The following RCAN1 variants were observed in gnomAD, a reference collection of about 807,000 sequenced individuals.
RCAN1 encodes the protein calcipressin-1.
RCAN1 carries 11 observed loss-of-function variants against 22.9 expected under a neutral mutation model. That is an observed-to-expected ratio of 0.48 (90% CI 0.30 to 0.79). The LOEUF (loss-of-function observed/expected upper bound fraction) is 0.79, where lower values mean the gene tolerates loss of function less well. Among genes scored for constraint, RCAN1 ranks in the 30% least tolerant of loss-of-function variants. The pLI is 0.06. For missense variants in RCAN1, 291 were observed against 337.8 expected, an observed-to-expected ratio of 0.86 and a Z score of 1.09; for synonymous variants, 136 against 142.3, an observed-to-expected ratio of 0.96 and a Z score of 0.32.
At chr21:34,563,770 A>T (rs13052420) in intron 1 of RCAN1, among the ~76,000 whole-genome samples, 13,205 of 63,824 alleles carry the variant, frequency 0.21, 1,287 homozygotes, top group Non-Finnish European at 0.23. Context: ...AAAAAAAAAA[A>T]ATATATATAT....
At chr21:34,541,763 T>C (rs1481639816) in intron 1 of RCAN1, among the ~76,000 whole-genome samples, 1 of 152,084 alleles carries the variant, frequency 6.6e-6, no homozygotes, top group East Asian at 1.9e-4. Context: ...TGAAACACTG[T>C]CTCTACTAAA....
chr21:34,521,192 C>T (rs1175902155), intron 3 of RCAN1: 3 of 1,370,568 alleles, frequency 2.2e-6, no homozygotes, highest in African/African-American at 2.9e-5. Flanking sequence ...GGGGCCGGGG[C>T]TCAGGCCTCC....
intron 1 of RCAN1, among the ~76,000 whole-genome samples, chr21:34,611,276 T>C (rs1332269560): frequency 6.6e-6 from 1 of 152,202 alleles, no homozygotes; most frequent in Non-Finnish European, 1.5e-5. Context: ...TAATGGAATA[T>C]GTTCATCAAA....
chr21:34,613,012 C>T (rs1489948607), intron 1 of RCAN1, among the ~76,000 whole-genome samples: 1 of 152,228 alleles, frequency 6.6e-6, no homozygotes, highest in Admixed American at 6.5e-5. Flanking sequence ...ATCTCCCCCT[C>T]AACCACTGGA....
At chr21:34,604,505 A>G (rs774340206) in intron 1 of RCAN1, among the ~76,000 whole-genome samples, 21 of 152,330 alleles carry the variant, frequency 1.4e-4, no homozygotes, top group Middle Eastern at 6.8e-3. Flanking sequence ...TCCAAGACCA[A>G]TTAAAGACAC....
intron 1 of RCAN1, among the ~76,000 whole-genome samples, chr21:34,578,608 C>T (rs1987493963): frequency 6.6e-6 from 1 of 152,194 alleles, no homozygotes; most frequent in South Asian, 2.1e-4. Flanking sequence ...TGGCCCCACT[C>T]TGGGCCCTGG....
In RCAN1 at chr21:34,574,265, T is replaced by C. The variant is rs931333611; in HGVS notation, c.252+40495A>G. Among the ~76,000 whole-genome samples, 6 of 152,364 alleles carry C rather than the reference T, an allele frequency of 3.9e-5. No homozygotes were observed. In the East Asian group the frequency reaches 1.2e-3, roughly 29 times the overall value. On this transcript the variant is annotated intron_variant, in intron 1 of 3. Transcript: ENST00000313806. The stretch of plus-strand genomic sequence containing the variant: ...GACACTATAAGCCAATGAGCTTTCC[T>C]AGAAGTTCTGAGAAACAATGTCCAC...
At chr21:34,525,428 A>G in intron 1 of RCAN1, 2 of 1,405,790 alleles carry the variant, frequency 1.4e-6, no homozygotes, top group South Asian at 3.3e-5. Flanking sequence ...GCCGCCTCTC[A>G]CTCTTTTTCC....
rs578201629 is a variant in RCAN1 at position 34,585,412 on chromosome 21, C to T, written c.252+29348G>A. 3.3e-5 allele frequency among the ~76,000 whole-genome samples: 5 copies of T among 152,134 alleles called. No homozygotes were observed. The South Asian group carries it at 6.2e-4, about 19-fold the overall frequency. ...TAAAAGAACAGTAATGTCTAACAGG[C>T]AAGTTAGTAGAGGGGGAAAATGAAA... is the stretch of plus-strand genomic sequence containing the variant. On this transcript the variant is annotated intron_variant, in intron 1 of 3. Transcript: ENST00000313806.
intron 3 of RCAN1, among the ~76,000 whole-genome samples, chr21:34,519,695 C>G (rs1984352803): frequency 6.6e-6 from 1 of 152,032 alleles, no homozygotes; most frequent in African/African-American, 2.4e-5. Flanking sequence ...CCGCGCCCGG[C>G]CTGTGCTTGG....
rs544345422 is a variant in RCAN1 at position 34,570,409 on chromosome 21, G to A, written c.252+44351C>T. On this transcript the variant is annotated intron_variant, in intron 1 of 3. Transcript: ENST00000313806. The stretch of plus-strand genomic sequence containing the variant: ...TACTTACCAGTGGTGTAAGAGGTCT[G>A]GTAAATATGGAAAAAACATCCTAAG... 3.8e-3 allele frequency among the ~76,000 whole-genome samples: 572 copies of A among 152,294 alleles called. 1 individual carries two copies. The highest frequency in any genetic ancestry group is 0.013 in the African/African-American group (546 of 41,568).
intron 1 of RCAN1, among the ~76,000 whole-genome samples, chr21:34,567,517 T>C (rs1987069347): frequency 7.0e-6 from 1 of 143,858 alleles, no homozygotes; most frequent in African/African-American, 2.6e-5. Context: ...ATCAAGCCAC[T>C]GCACCCCAGC....
intron 1 of RCAN1, among the ~76,000 whole-genome samples, chr21:34,574,238 T>A (rs776604847): frequency 6.6e-6 from 1 of 152,230 alleles, no homozygotes. Flanking sequence ...TCAGCTAAAT[T>A]GGACACTATA....
At chr21:34,555,811 C>T (rs887263574) in intron 1 of RCAN1, among the ~76,000 whole-genome samples, 15 of 151,048 alleles carry the variant, frequency 9.9e-5, no homozygotes, top group African/African-American at 3.2e-4. Flanking sequence ...ACCTGTAATC[C>T]CAGCACTTTG....
intron 1 of RCAN1, among the ~76,000 whole-genome samples, chr21:34,613,566 AAGAC>A (rs1299196124): frequency 6.6e-5 from 10 of 152,230 alleles, no homozygotes; most frequent in Middle Eastern, 3.2e-3. Context: ...TTCTAGCAGA[AAGAC>A]AGCCTAGAAC....
At chr21:34,586,743 A>G (rs563192902) in intron 1 of RCAN1, among the ~76,000 whole-genome samples, 1 of 152,364 alleles carries the variant, frequency 6.6e-6, no homozygotes, top group East Asian at 1.9e-4. Flanking sequence ...ACTTAAGATC[A>G]GGAGTTCATG....
At chr21:34,558,093 G>T (rs1034190468) in intron 1 of RCAN1, among the ~76,000 whole-genome samples, 4 of 152,208 alleles carry the variant, frequency 2.6e-5, no homozygotes, top group Admixed American at 6.5e-5. Flanking sequence ...TGTTGAGGAG[G>T]TGCTTGTGCG....
chr21:34,614,762 G>T lies in RCAN1; in HGVS notation c.250C>A (p.Arg84=). Residue 84 remains arginine (R), a splice_region_variant and synonymous_variant, in exon 1 of 4, where the codon CGG becomes AGG. Coordinates refer to ENST00000313806, the MANE Select transcript of RCAN1 (RefSeq NM_004414.7). The surrounding 1 kb of genome is among the most constrained non-coding windows in gnomAD (Gnocchi z 6.0). ...GGCCCGCCCGGCGCGGTCCTCACCCGGCACAGGCCGTCCACGAACACGCGC... is the reference window on the plus strand; with the variant it reads ...GGCCCGCCCGGCGCGGTCCTCACCCTGCACAGGCCGTCCACGAACACGCGC... ...DPRVFVDGLC[R]AKFESLFRTY... The T allele has an allele frequency of 1.4e-6, 2 of 1,440,460 alleles. No homozygotes were observed. Among genetic ancestry groups the T allele is most frequent in the African/African-American group, 1.5e-5 (1 of 66,852 alleles). 89.2% of individuals were successfully genotyped at this position (1,440,460 alleles called of 1,614,324 possible).
In RCAN1 at chr21:34,551,295, A is replaced by G. The variant is rs1330914523; in HGVS notation, c.253-27585T>C. Among the ~76,000 whole-genome samples the G allele has an allele frequency of 2.6e-5, 4 of 152,358 alleles. No homozygotes were observed. The East Asian group carries it at 5.8e-4, about 22-fold the overall frequency. ...GGCTGGCTTCTAAACTGGAAAAGTC[A>G]CAGATATTTACCCTTGCAGAAAATA... On this transcript the variant is annotated intron_variant, in intron 1 of 3. Coordinates refer to ENST00000313806, the MANE Select transcript of RCAN1 (RefSeq NM_004414.7).
Sources: gnomAD v4.1 joint callset for allele counts (sites outside exome capture counted in the v4.1 genomes callset) on GRCh38, gnomAD v4.1.1 for gene constraint, Gnocchi (gnomAD v3.1) non-coding constraint, MANE v1.5 for transcripts, NCBI Gene and HGNC (gene_info 2026-07-23, HGNC 2026-07-21) for gene names.